CNTNAP2: variants seen among roughly 807,000 people sequenced by gnomAD.
CNTNAP2 encodes contactin associated protein 2.
CNTNAP2 carries 98 observed loss-of-function variants against 155.2 expected under a neutral mutation model. The observed-to-expected ratio is 0.63, with a 90% confidence interval of 0.54 to 0.75. The LOEUF (loss-of-function observed/expected upper bound fraction) is 0.75. Among genes scored for constraint, CNTNAP2 ranks in the 30% least tolerant of loss-of-function variants. The probability of loss-of-function intolerance (pLI) is 0.00; values close to 1 mark genes in which losing one functional copy is unlikely to be tolerated. For missense variants in CNTNAP2, 1,727 were observed against 1,688.1 expected (o/e 1.02, Z -0.40); for synonymous variants, 651 against 631.2 (o/e 1.03, Z -0.47).
At position 148,323,431 on chromosome 7, in the gene CNTNAP2, C is replaced by CTT. The variant is rs11453335; in HGVS notation, c.3475+56315_3475+56316dup. ...GTGCATGATTCTAAGAGGTAGTACACTTTTTTTTTTTAATTGTTTGCCTCA... is the reference window on the plus strand; with the variant it reads ...GTGCATGATTCTAAGAGGTAGTACACTTTTTTTTTTTTTAATTGTTTGCCTCA... On this transcript the variant is annotated intron_variant, in intron 21 of 23. Coordinates refer to ENST00000361727, the MANE Select transcript of CNTNAP2 (RefSeq NM_014141.6). Among the ~76,000 whole-genome samples the CTT allele has an allele frequency of 7.7e-3, 1,058 of 137,186 alleles. 33 individuals are homozygous for CTT. Among genetic ancestry groups the CTT allele is most frequent in the Admixed American group, 0.058 (783 of 13,466 alleles). The allele number at this position is 137,186 out of a possible 152,430, so 90.0% of individuals were successfully genotyped here. A position where few individuals can be genotyped will look rare whatever the true frequency, so the allele number is the denominator to read the frequency against.
At chr7:146,493,938 T>C (rs1410525021) in intron 1 of CNTNAP2, among the ~76,000 whole-genome samples, 1 of 152,156 alleles carries the variant, frequency 6.6e-6, no homozygotes, top group Non-Finnish European at 1.5e-5. Context: ...GCTTGAGTGA[T>C]AGGTGCACTC....
intron 1 of CNTNAP2, among the ~76,000 whole-genome samples, chr7:146,301,208 G>A (rs1382416110): frequency 6.6e-6 from 1 of 152,120 alleles, no homozygotes; most frequent in East Asian, 1.9e-4. Context: ...ACCAATTGGA[G>A]CCTATGCACC....
At chr7:148,309,621 G>A (rs1015334383) in intron 21 of CNTNAP2, among the ~76,000 whole-genome samples, 2 of 152,054 alleles carry the variant, frequency 1.3e-5, no homozygotes, top group Non-Finnish European at 2.9e-5. Context: ...GGGGGTCACA[G>A]GGTGCTCAGT....
chr7:146,854,744 C>T (rs1230990467), intron 3 of CNTNAP2, among the ~76,000 whole-genome samples: 1 of 152,022 alleles, frequency 6.6e-6, no homozygotes, highest in African/African-American at 2.4e-5. Flanking sequence ...GATGTCATTG[C>T]CTCTGGTTTG....
intron 10 of CNTNAP2, among the ~76,000 whole-genome samples, chr7:147,424,099 C>T (rs2116514232): frequency 6.6e-6 from 1 of 152,282 alleles, no homozygotes; most frequent in South Asian, 2.1e-4. Context: ...TCAGTGGGAC[C>T]CTGGTGTTGC....
At position 146,577,926 on chromosome 7, in the gene CNTNAP2, G is replaced by C. The variant is rs979531907; in HGVS notation, c.98-196345G>C. 2.0e-5 allele frequency among the ~76,000 whole-genome samples: 3 copies of C among 152,062 alleles called. No homozygotes were observed. The East Asian group carries it at 5.8e-4, about 29-fold the overall frequency. On this transcript the variant is annotated intron_variant, in intron 1 of 23. Transcript: ENST00000361727. Reference sequence around the variant, plus strand: ...TTGCTTGGGAGAGATAAGGACATGTGTATAGATACAGAGACCTGGGTATGG... The same window carrying C: ...TTGCTTGGGAGAGATAAGGACATGTCTATAGATACAGAGACCTGGGTATGG...
At chr7:147,010,007 CTTTTT>C (rs67223892) in intron 3 of CNTNAP2, among the ~76,000 whole-genome samples, 5 of 123,700 alleles carry the variant, frequency 4.0e-5, no homozygotes, top group Non-Finnish European at 6.8e-5. Context: ...TATCTTGGTT[CTTTTT>C]TTTTTTTTTT....
chr7:146,882,187 A>G lies in CNTNAP2; in HGVS notation c.402+42283A>G, dbSNP rs143344622. ...AGTATTTTAGTGGTGTATATAAACC[A>G]TATTTCCTTCATTCAACCCACCTTT... On this transcript the variant is annotated intron_variant, in intron 3 of 23. Coordinates refer to ENST00000361727, the MANE Select transcript of CNTNAP2 (RefSeq NM_014141.6). 1.8e-3 allele frequency among the ~76,000 whole-genome samples: 278 copies of G among 152,230 alleles called. 2 individuals are homozygous for G. The highest frequency in any genetic ancestry group is 6.2e-3 in the African/African-American group (256 of 41,556).
At chr7:146,248,321 G>A (rs1042589859) in intron 1 of CNTNAP2, among the ~76,000 whole-genome samples, 1 of 152,140 alleles carries the variant, frequency 6.6e-6, no homozygotes, top group African/African-American at 2.4e-5. Flanking sequence ...GAGAGAAGGG[G>A]TTGGGGTACT....
rs1462489555 is a variant in CNTNAP2 at position 148,275,346 on chromosome 7, G to T, written c.3475+8220G>T. Among the ~76,000 whole-genome samples, 6 of 152,088 alleles carry T rather than the reference G, an allele frequency of 3.9e-5. No homozygotes were observed. The East Asian group carries it at 1.2e-3, about 29-fold the overall frequency. On this transcript the variant is annotated intron_variant, in intron 21 of 23. Coordinates refer to ENST00000361727, the MANE Select transcript of CNTNAP2 (RefSeq NM_014141.6). The stretch of plus-strand genomic sequence containing the variant: ...GGCACTTGAGCCAGTCCAGGAGTGA[G>T]GGAAGGCATACTAGAGGAAGTAACA...
intron 1 of CNTNAP2, among the ~76,000 whole-genome samples, chr7:146,721,030 A>ATACT (rs1554472267): frequency 1.5e-5 from 2 of 133,020 alleles, no homozygotes; most frequent in African/African-American, 2.9e-5. Context: ...TATTATATAT[A>ATACT]CTCTATATAT....
intron 14 of CNTNAP2, among the ~76,000 whole-genome samples, chr7:147,925,193 A>AGGAAGGAG (rs1800368886): frequency 1.3e-5 from 2 of 150,758 alleles, no homozygotes; most frequent in Non-Finnish European, 3.0e-5. Context: ...GAAGGAAGGA[A>AGGAAGGAG]GGAAGGAAGG....
chr7:146,478,948 G>A (rs1796920010), intron 1 of CNTNAP2, among the ~76,000 whole-genome samples: 1 of 152,082 alleles, frequency 6.6e-6, no homozygotes, highest in Admixed American at 6.5e-5. Context: ...ATTATTGAAG[G>A]TGAACTCCTT....
chr7:148,372,029 T>C (rs1798895472), intron 21 of CNTNAP2, among the ~76,000 whole-genome samples: 1 of 151,752 alleles, frequency 6.6e-6, no homozygotes, highest in South Asian at 2.1e-4. Context: ...TGAAACCCCG[T>C]CTCTAGTAAA....
rs115191775 is a variant in CNTNAP2 at position 146,366,929 on chromosome 7, A to C, written c.97+249956A>C. On this transcript the variant is annotated intron_variant, in intron 1 of 23. Transcript: ENST00000361727. ...CAGACCTCAACATTTTGTCAGGTCAAATTATGAAACAGAATCTTACATAAG... is the reference window on the plus strand; with the variant it reads ...CAGACCTCAACATTTTGTCAGGTCACATTATGAAACAGAATCTTACATAAG... Among the ~76,000 whole-genome samples the C allele has an allele frequency of 8.4e-3, 1,280 of 152,286 alleles. 16 individuals carry two copies. Among genetic ancestry groups the C allele is most frequent in the African/African-American group, 0.03 (1,235 of 41,580 alleles).
chr7:146,572,201 C>T (rs1798451520), intron 1 of CNTNAP2, among the ~76,000 whole-genome samples: 3 of 151,450 alleles, frequency 2.0e-5, no homozygotes, highest in Non-Finnish European at 2.9e-5. Flanking sequence ...GTCTAGACCT[C>T]TTAACCTAGA....
intron 8 of CNTNAP2, among the ~76,000 whole-genome samples, chr7:147,277,884 A>T (rs772699982): frequency 1.3e-5 from 2 of 151,722 alleles, no homozygotes; most frequent in Non-Finnish European, 2.9e-5. Flanking sequence ...ATGAATTCAA[A>T]CTTCTTAATT....
chr7:148,040,987 C>T (rs543906592), intron 15 of CNTNAP2, among the ~76,000 whole-genome samples: 1 of 152,284 alleles, frequency 6.6e-6, no homozygotes, highest in East Asian at 1.9e-4. Context: ...TTCCACTTTC[C>T]ATCGTGACTT....
At chr7:147,951,010 G>T (rs1800920875) in intron 14 of CNTNAP2, among the ~76,000 whole-genome samples, 1 of 152,226 alleles carries the variant, frequency 6.6e-6, no homozygotes, top group Non-Finnish European at 1.5e-5. Flanking sequence ...ATAAGCATCT[G>T]ACTCTAACTG....
Sources: gnomAD v4.1 joint callset for allele counts (sites outside exome capture counted in the v4.1 genomes callset) on GRCh38, gnomAD v4.1.1 for gene constraint, MANE v1.5 for transcripts, NCBI Gene and HGNC (gene_info 2026-07-23, HGNC 2026-07-21) for gene names.